Variants in MKLN1 observed in about 807,000 individuals in gnomAD.
MKLN1 encodes the protein muskelin.
A neutral mutation model predicts 99.0 loss-of-function variants in MKLN1; 18 were observed. That is an observed-to-expected ratio of 0.18 (90% CI 0.13 to 0.27). The LOEUF (loss-of-function observed/expected upper bound fraction) is 0.27. Among genes scored for constraint, MKLN1 ranks in the 10% least tolerant of loss-of-function variants. The pLI is 1.00. For synonymous variants in MKLN1, 288 were observed against 293.2 expected, an observed-to-expected ratio of 0.98 and a Z score of 0.18; for missense variants, 621 against 875.9, an observed-to-expected ratio of 0.71 and a Z score of 3.67.
chr7:131,221,998 T>C (rs1466879532), intron 3 of MKLN1, among the ~76,000 whole-genome samples: 1 of 150,294 alleles, frequency 6.7e-6, no homozygotes, highest in South Asian at 2.1e-4. Flanking sequence ...CTCCGCCTCC[T>C]GGGTTCAAGC....
chr7:131,325,702 C>CAA (rs3837072), upstream of MKLN1, among the ~76,000 whole-genome samples: 1 of 144,760 alleles, frequency 6.9e-6, no homozygotes. Flanking sequence ...GATTCTGTCT[C>CAA]AAAAAAAAAA....
chr7:131,260,365 G>T (rs112765651), intron 3 of MKLN1, among the ~76,000 whole-genome samples: 2,804 of 152,180 alleles, frequency 0.018, 93 homozygotes, highest in African/African-American at 0.063. Flanking sequence ...AATCAAGAAT[G>T]CAATCCCATT....
At chr7:131,475,618 C>T (rs548106753) in intron 16 of MKLN1, among the ~76,000 whole-genome samples, 1 of 152,228 alleles carries the variant, frequency 6.6e-6, no homozygotes, top group Non-Finnish European at 1.5e-5. Context: ...TTGAGACCAG[C>T]TTGGGCAACA....
intron 1 of MKLN1, among the ~76,000 whole-genome samples, chr7:131,112,472 C>T (rs1795215773): frequency 6.6e-6 from 1 of 152,190 alleles, no homozygotes; most frequent in South Asian, 2.1e-4. Context: ...TTACCTTGCT[C>T]CCCATGTACT....
rs753088027 is a variant in MKLN1 at position 131,490,706 on chromosome 7, A to G, written c.*2978A>G. ...TTAAAAAGTCACTGGTTTATCATAGAAAAGTTTGATGGGTTTAGAGCTCAG... is the reference window on the plus strand; with the variant it reads ...TTAAAAAGTCACTGGTTTATCATAGGAAAGTTTGATGGGTTTAGAGCTCAG... On this transcript the variant is annotated 3_prime_UTR_variant, in exon 18 of 18. Coordinates refer to ENST00000352689, the MANE Select transcript of MKLN1 (RefSeq NM_013255.5). The G allele has an allele frequency of 1.2e-4, 18 of 152,580 alleles. No individual in the cohort carries two copies. Among genetic ancestry groups the G allele is most frequent in the Non-Finnish European group, 2.5e-4 (17 of 68,018 alleles). The allele number at this position is 152,580 out of a possible 1,614,324, so 9.5% of individuals were successfully genotyped here. A position where few individuals can be genotyped will look rare whatever the true frequency, so the allele number is the denominator to read the frequency against.
At chr7:131,211,605 T>G (rs1253969618) in intron 3 of MKLN1, among the ~76,000 whole-genome samples, 24 of 105,818 alleles carry the variant, frequency 2.3e-4, no homozygotes, top group South Asian at 4.8e-4. Flanking sequence ...CCCTTGTGTT[T>G]TTTTTTTTTT....
chr7:131,210,154 G>A (rs1796879224), intron 3 of MKLN1, among the ~76,000 whole-genome samples: 1 of 152,172 alleles, frequency 6.6e-6, no homozygotes, highest in Non-Finnish European at 1.5e-5. Flanking sequence ...ATGTGAAAGT[G>A]ACTGCCTAAT....
At chr7:131,144,497 GTT>G (rs1256873218) in intron 2 of MKLN1, among the ~76,000 whole-genome samples, 42 of 147,532 alleles carry the variant, frequency 2.8e-4, no homozygotes, top group Non-Finnish European at 5.4e-4. Flanking sequence ...AAAAAAAAAA[GTT>G]TTTCTTTTTA....
chr7:131,207,936 AG>A (rs1415185405), intron 3 of MKLN1, among the ~76,000 whole-genome samples: 1 of 152,236 alleles, frequency 6.6e-6, no homozygotes. Flanking sequence ...AATGTTTCAG[AG>A]GCTAAATATT....
At chr7:131,363,992 T>G (rs1800103822) in intron 1 of MKLN1, among the ~76,000 whole-genome samples, 1 of 152,106 alleles carries the variant, frequency 6.6e-6, no homozygotes, top group African/African-American at 2.4e-5. Context: ...GATAAGTAAC[T>G]CCAACAAATA....
At chr7:131,235,296 T>A (rs7456444) in intron 3 of MKLN1, among the ~76,000 whole-genome samples, 2 of 133,430 alleles carry the variant, frequency 1.5e-5, no homozygotes, top group African/African-American at 6.0e-5. Context: ...ACACACACAC[T>A]GTGTGTGTGT....
At chr7:131,382,078 G>A (rs1326730214) in intron 2 of MKLN1, among the ~76,000 whole-genome samples, 1 of 152,156 alleles carries the variant, frequency 6.6e-6, no homozygotes, top group Non-Finnish European at 1.5e-5. Context: ...AATTAATACA[G>A]AAGTGCCTGG....
chr7:131,178,939 T>A (rs978458488), intron 2 of MKLN1, among the ~76,000 whole-genome samples: 2 of 152,230 alleles, frequency 1.3e-5, no homozygotes, highest in African/African-American at 4.8e-5. Flanking sequence ...ATTTTTACTG[T>A]GTATTATACT....
intron 1 of MKLN1, among the ~76,000 whole-genome samples, chr7:131,354,253 A>G (rs1799807549): frequency 6.6e-6 from 1 of 152,106 alleles, no homozygotes; most frequent in Non-Finnish European, 1.5e-5. Flanking sequence ...CTTCCAGTCC[A>G]CGAGCACAAT....
At chr7:131,186,185 C>T (rs161876) in intron 2 of MKLN1, among the ~76,000 whole-genome samples, 2,857 of 149,128 alleles carry the variant, frequency 0.019, 92 homozygotes, top group African/African-American at 0.066. Context: ...AATAAGACTC[C>T]GTCTCAAAAA....
intron 2 of MKLN1, among the ~76,000 whole-genome samples, chr7:131,149,958 G>T (rs941289431): frequency 6.6e-6 from 1 of 152,158 alleles, no homozygotes; most frequent in Non-Finnish European, 1.5e-5. Context: ...GAAGGCTAGC[G>T]CTGCTTTGCT....
At chr7:131,265,818 T>C (rs769264026) in intron 3 of MKLN1, among the ~76,000 whole-genome samples, 16 of 152,172 alleles carry the variant, frequency 1.1e-4, no homozygotes, top group Non-Finnish European at 1.9e-4. Flanking sequence ...TCTTTCCTTT[T>C]TGGGGAGAGT....
chr7:131,295,549 A>G (rs1584897009), intron 3 of MKLN1, among the ~76,000 whole-genome samples: 1 of 151,702 alleles, frequency 6.6e-6, no homozygotes, highest in East Asian at 1.9e-4. Flanking sequence ...GGAAAAAAGA[A>G]AAAAAAAGGC....
intron 9 of MKLN1, among the ~76,000 whole-genome samples, chr7:131,432,681 C>T (rs758750094): frequency 4.6e-5 from 7 of 152,104 alleles, no homozygotes; most frequent in East Asian, 1.9e-4. Flanking sequence ...CTCTTGACCT[C>T]GTAATCCACT....
Sources: allele counts gnomAD v4.1 joint callset (sites outside exome capture counted in the v4.1 genomes callset), GRCh38; gene constraint gnomAD v4.1.1; transcripts MANE v1.5; gene names NCBI Gene and HGNC (gene_info 2026-07-23, HGNC 2026-07-21).